Variants in NELFA observed in about 807,000 individuals in gnomAD.
NELFA encodes the protein negative elongation factor A.
Under a neutral mutation model 51.8 loss-of-function variants are expected in NELFA, and 35 were observed. That is an observed-to-expected ratio of 0.68 (90% CI 0.52 to 0.90). NELFA has a LOEUF of 0.90. NELFA is among the 40% of genes least tolerant of loss of function. The pLI is 0.00. For synonymous variants in NELFA, 417 were observed against 338.4 expected, an observed-to-expected ratio of 1.23 and a Z score of -2.55; for missense variants, 658 against 746.4, an observed-to-expected ratio of 0.88 and a Z score of 1.38.
Position 1,983,370 on chromosome 4 carries a change from C to T in NELFA, c.1536G>A (p.Thr512=), listed in dbSNP as rs370018827. The change falls in exon 11 of 11, where the codon ACG becomes ACA. Residue 512 remains threonine (T), a synonymous_variant. Transcript: ENST00000382882. ...ACTTCTTGAAGCGCGTCCACTGGCC[C>T]GTGGCATAGTTCATCTCAAACACTG... ...VDTVFEMNYA[T]GQWTRFKKYK... is the part of the protein sequence containing the mutation. 20 of 1,614,088 alleles carry T rather than the reference C, an allele frequency of 1.2e-5. No homozygotes were observed. The highest frequency in any genetic ancestry group is 1.6e-4 in the Middle Eastern group (1 of 6,084).
At position 1,999,581 on chromosome 4, in the gene NELFA, C is replaced by A. The variant is rs1279724338; in HGVS notation, c.211-7866G>T. On this transcript the variant is annotated intron_variant, in intron 1 of 10. Transcript: ENST00000382882. ...CACAATGGTAAAGGGAACAATTCGA[C>A]AAGAGCTAACTATCCTAAATATATA... Among the ~76,000 whole-genome samples the A allele has an allele frequency of 2.0e-5, 3 of 152,172 alleles. No individual in the cohort carries two copies. In the East Asian group the frequency reaches 5.8e-4, roughly 29 times the overall value.
intron 1 of NELFA, among the ~76,000 whole-genome samples, chr4:1,998,318 C>T (rs1728486191): frequency 6.6e-6 from 1 of 151,854 alleles, no homozygotes; most frequent in South Asian, 2.1e-4. Context: ...CAGAAGTAGG[C>T]TTCAGAAGAT....
At chr4:1,998,709 A>G (rs549023279) in intron 1 of NELFA, among the ~76,000 whole-genome samples, 2 of 152,328 alleles carry the variant, frequency 1.3e-5, no homozygotes, top group Non-Finnish European at 2.9e-5. Flanking sequence ...GAGAATGGAA[A>G]CAAGCTGGAA....
Position 1,984,817 on chromosome 4 carries a change from TC to T in NELFA, c.1026del (p.Thr343ArgfsTer39). The T allele has an allele frequency of 6.4e-7, 1 of 1,562,148 alleles. No homozygotes were observed. Among genetic ancestry groups the T allele is most frequent in the Non-Finnish European group, 8.7e-7 (1 of 1,152,684 alleles). On this transcript the variant is annotated frameshift_variant, in exon 8 of 11. Coordinates refer to ENST00000382882, the MANE Select transcript of NELFA (RefSeq NM_005663.5). LOFTEE classifies it high-confidence loss of function. The part of the protein sequence containing the change: ...VPASSYIPSS[E>X]TPPAPSSREA... ...GGGCCAGCAGACTCACCTGGGGGCG[TC>T]TCGGAGCTGGGGATGTAGGAGGAGG...
At chr4:1,991,773 C>A in intron 1 of NELFA, 58 bp from the exon 2 acceptor site, 2 of 1,515,328 alleles carry the variant, frequency 1.3e-6, no homozygotes, top group South Asian at 1.3e-5. Context: ...AAGCCCACTC[C>A]CTGCTGAGCT....
chr4:1,985,321 G>A (rs1263106523), intron 7 of NELFA, among the ~76,000 whole-genome samples: 2 of 152,216 alleles, frequency 1.3e-5, no homozygotes, highest in Non-Finnish European at 2.9e-5. Flanking sequence ...TCCAGGCCCT[G>A]GCCTCAGACG....
chr4:1,999,165 GA>G (rs1233837411), intron 1 of NELFA, among the ~76,000 whole-genome samples: 1 of 150,912 alleles, frequency 6.6e-6, no homozygotes, highest in African/African-American at 2.4e-5. Context: ...AATATGGAAA[GA>G]AAAACCAGTA....
Position 2,008,844 on chromosome 4 carries a change from T to C in NELFA, c.116A>G (p.Asp39Gly), listed in dbSNP as rs1319356420. The C allele has an allele frequency of 1.2e-6, 2 of 1,608,942 alleles. No individual in the cohort carries two copies. The highest frequency in any genetic ancestry group is 1.1e-5 in the South Asian group (1 of 89,848). The change falls in exon 1 of 11, where the codon GAC (aspartate) becomes GGC (glycine). Residue 39 changes from aspartate to glycine, a missense_variant. Coordinates refer to ENST00000382882, the MANE Select transcript of NELFA (RefSeq NM_005663.5). The part of the protein sequence containing the change: ...IASLLTAAVI[D>G]NIRLCFHGLS... ...GCCATGGAAGCAGAGACGGATGTTG[T>C]CGATGACCGCGGCCGTGAGCAGGGA...
chr4:1,988,078 T>G, intron 3 of NELFA, 71 bp from the exon 4 acceptor site: 34 of 1,305,116 alleles, frequency 2.6e-5, no homozygotes, highest in Non-Finnish European at 3.3e-5. Flanking sequence ...AAAACATCTC[T>G]GTCAAGTGGA....
Position 1,984,065 on chromosome 4 carries a change from G to A in NELFA, c.1085C>T (p.Pro362Leu), listed in dbSNP as rs781086291. ...ASRPPEEPSA[P>L]SPTLPAQFKQ... ...GAACTGCGCTGGCAACGTGGGGCTC[G>A]GGGCGCTGGGCTCCTCTGGTGGGCG... Residue 362 changes from proline (P) to leucine (L), a missense_variant, in exon 9 of 11, where the codon CCG becomes CTG. Around this residue, in one of 3 missense-constraint regions of NELFA, gnomAD observed 200 missense variants for 167.9 expected, o/e 1.19. Coordinates refer to ENST00000382882, the MANE Select transcript of NELFA (RefSeq NM_005663.5). 2.1e-5 allele frequency: 34 copies of A among 1,598,340 alleles called. No homozygotes were observed. The highest frequency in any genetic ancestry group is 6.7e-5 in the East Asian group (3 of 44,758).
Position 1,989,672 on chromosome 4 carries a change from C to G in NELFA, c.544+36G>C. Reference sequence around the variant, plus strand: ...CTAAGAAACCTATGACTGGAAACTACAAAGACAATGCCCGATGGCGGCCGC... The same window carrying G: ...CTAAGAAACCTATGACTGGAAACTAGAAAGACAATGCCCGATGGCGGCCGC... On this transcript the variant is annotated intron_variant, in intron 3 of 10. Coordinates refer to ENST00000382882, the MANE Select transcript of NELFA (RefSeq NM_005663.5). This position sits in a 1 kb window ranked among gnomAD's most constrained non-coding sequence, Gnocchi z 4.8. The G allele has an allele frequency of 1.3e-6, 2 of 1,599,198 alleles. No individual in the cohort carries two copies. The highest frequency in any genetic ancestry group is 1.7e-6 in the Non-Finnish European group (2 of 1,173,246).
chr4:1,991,800 G>T, intron 1 of NELFA, 85 bp from the exon 2 acceptor site: 2 of 1,391,306 alleles, frequency 1.4e-6, no homozygotes, highest in Non-Finnish European at 1.9e-6. Flanking sequence ...TGGGCACTGG[G>T]CAGTGGCCGG....
rs74405784 is a variant in NELFA at position 1,984,697 on chromosome 4, G to A, written c.1036+111C>T. ...CAGCAGATTCTGGCTGAGGCAGAAGGGGGACAACAGAGATGCAGGAGTGAG... is the reference window on the plus strand; with the variant it reads ...CAGCAGATTCTGGCTGAGGCAGAAGAGGGACAACAGAGATGCAGGAGTGAG... On this transcript the variant is annotated intron_variant, in intron 8 of 10. Coordinates refer to ENST00000382882, the MANE Select transcript of NELFA (RefSeq NM_005663.5). 448 of 723,314 alleles carry A rather than the reference G, an allele frequency of 6.2e-4. 1 individual carries two copies. In the African/African-American group the frequency reaches 7.4e-3, roughly 12 times the overall value. The allele number at this position is 723,314 out of a possible 1,614,324, so 44.8% of individuals were successfully genotyped here.
intron 8 of NELFA, 131 bp downstream of exon 8, chr4:1,984,675 CAG>C: frequency 1.5e-6 from 1 of 652,508 alleles, no homozygotes; most frequent in Non-Finnish European, 2.6e-6. Context: ...CTGCCCCCAG[CAG>C]ATTCTGGCTG....
Position 1,989,921 on chromosome 4 carries a change from G to A in NELFA, c.383-52C>T, listed in dbSNP as rs936208273. The A allele has an allele frequency of 2.2e-5, 35 of 1,581,712 alleles. No individual in the cohort carries two copies. Among genetic ancestry groups the A allele is most frequent in the South Asian group, 9.3e-5 (8 of 86,450 alleles). On this transcript the variant is annotated intron_variant, in intron 2 of 10. Transcript: ENST00000382882. This position sits in a 1 kb window ranked among gnomAD's most constrained non-coding sequence, Gnocchi z 4.8. Reference sequence around the variant, plus strand: ...GGGGCGCCCAGGCCGCAGACCTCCCGGCTGAGAGGAGCTGGCGGCTGCCCA... The same window carrying A: ...GGGGCGCCCAGGCCGCAGACCTCCCAGCTGAGAGGAGCTGGCGGCTGCCCA...
intron 1 of NELFA, among the ~76,000 whole-genome samples, chr4:2,006,747 T>G (rs79802513): frequency 0.027 from 3,316 of 123,924 alleles, 116 homozygotes; most frequent in African/African-American, 0.089. Flanking sequence ...CTAGCCTGGG[T>G]GACAGAGTGA....
intron 1 of NELFA, among the ~76,000 whole-genome samples, chr4:2,002,367 A>G (rs1728605308): frequency 6.6e-6 from 1 of 152,246 alleles, no homozygotes; most frequent in Admixed American, 6.5e-5. Context: ...TCTTCACAGA[A>G]TTAGAAAAAA....
chr4:1,983,729 C>A, intron 9 of NELFA, 34 bp from the exon 10 acceptor site: 1 of 1,610,216 alleles, frequency 6.2e-7, no homozygotes, highest in South Asian at 1.1e-5. Context: ...GTGCCAGGGC[C>A]CCGCCAGGAC....
At chr4:1,992,885 C>T (rs976377973) in intron 1 of NELFA, among the ~76,000 whole-genome samples, 1 of 152,180 alleles carries the variant, frequency 6.6e-6, no homozygotes, top group African/African-American at 2.4e-5. Context: ...GAGTCAAGAA[C>T]CCCCCGCGTG....
Sources: gnomAD v4.1 joint callset for allele counts (sites outside exome capture counted in the v4.1 genomes callset) on GRCh38, gnomAD v4.1.1 for gene constraint, gnomAD v4.1.1 regional missense constraint, Gnocchi (gnomAD v3.1) non-coding constraint, MANE v1.5 for transcripts, NCBI Gene and HGNC (gene_info 2026-07-23, HGNC 2026-07-21) for gene names.